Variants in MIB1 observed in about 807,000 individuals in gnomAD.
MIB1 encodes the protein E3 ubiquitin-protein ligase MIB1.
MIB1 carries 278 observed loss-of-function variants against 124.5 expected under a neutral mutation model. The ratio of observed to expected loss-of-function variants is 2.23; its 90% CI spans 2.02 to 2.47. MIB1 has a LOEUF of 2.47. Ranked by LOEUF, MIB1 falls within the 30% of genes most tolerant of loss-of-function variation. The probability of loss-of-function intolerance (pLI) is 0.00; values close to 1 mark genes in which losing one functional copy is unlikely to be tolerated. For missense variants in MIB1, 957 were observed against 1,254.4 expected (o/e 0.76, Z 3.58); for synonymous variants, 446 against 429.4 (o/e 1.04, Z -0.48).
At chr18:21,800,203 C>A (rs142480418) in intron 9 of MIB1, among the ~76,000 whole-genome samples, 167 of 151,992 alleles carry the variant, frequency 1.1e-3, no homozygotes, top group African/African-American at 3.8e-3. Flanking sequence ...TACACACTTA[C>A]ATTTTGGTTT....
chr18:21,848,625 A>G (rs578065082), intron 16 of MIB1, among the ~76,000 whole-genome samples: 47 of 152,304 alleles, frequency 3.1e-4, no homozygotes, highest in African/African-American at 1.0e-3. Context: ...GTAGGTGGTC[A>G]TATGTATTTC....
chr18:21,826,921 G>A (rs961025710), intron 12 of MIB1: 1 of 152,038 alleles, frequency 6.6e-6, no homozygotes, highest in Non-Finnish European at 1.5e-5. Context: ...ATTTTTTCTA[G>A]TAGAAGTGAA....
Position 21,865,634 on chromosome 18 carries a change from A to G in MIB1, c.*968A>G, listed in dbSNP as rs570416828. On this transcript the variant is annotated 3_prime_UTR_variant, in exon 21 of 21. Coordinates refer to ENST00000261537, the MANE Select transcript of MIB1 (RefSeq NM_020774.4). ...AGTATCCCAGTGATCTGCAAAATTAATGCCTTTTCCAAGAAAAAATCTTTT... is the reference window on the plus strand; with the variant it reads ...AGTATCCCAGTGATCTGCAAAATTAGTGCCTTTTCCAAGAAAAAATCTTTT... 1.3e-5 allele frequency: 2 copies of G among 152,764 alleles called. No individual in the cohort carries two copies. Among genetic ancestry groups the G allele is most frequent in the African/African-American group, 4.8e-5 (2 of 41,582 alleles). 9.5% of individuals were successfully genotyped at this position (152,764 alleles called of 1,614,324 possible).
At chr18:21,759,873 T>C (rs1286926542) in intron 1 of MIB1, among the ~76,000 whole-genome samples, 1 of 152,240 alleles carries the variant, frequency 6.6e-6, no homozygotes, top group African/African-American at 2.4e-5. Flanking sequence ...TTTCATTAGG[T>C]CTCTGAAGAA....
chr18:21,717,514 T>C (rs1378329976), intron 1 of MIB1, among the ~76,000 whole-genome samples: 2 of 151,822 alleles, frequency 1.3e-5, no homozygotes, highest in Non-Finnish European at 2.9e-5. Flanking sequence ...AGGACTAATA[T>C]CCAGAATCTA....
At chr18:21,825,687 TC>T (rs775426993) in intron 12 of MIB1, 1 of 530,742 alleles carries the variant, frequency 1.9e-6, no homozygotes, top group Admixed American at 2.0e-5. Context: ...ACGTTGGTTG[TC>T]CCGTAGTAAT....
intron 1 of MIB1, among the ~76,000 whole-genome samples, chr18:21,751,597 A>T (rs996666160): frequency 6.6e-6 from 1 of 152,074 alleles, no homozygotes; most frequent in African/African-American, 2.4e-5. Context: ...TGGATTTAAA[A>T]TTGTAGTTCT....
intron 7 of MIB1, among the ~76,000 whole-genome samples, chr18:21,795,797 T>G (rs2041572180): frequency 1.3e-5 from 2 of 152,170 alleles, no homozygotes; most frequent in African/African-American, 2.4e-5. Flanking sequence ...GCATGGAAAT[T>G]AAATGTTTAA....
At chr18:21,843,005 G>T in intron 13 of MIB1, 126 bp from the exon 14 acceptor site, 1 of 600,310 alleles carries the variant, frequency 1.7e-6, no homozygotes, top group Non-Finnish European at 2.8e-6. Context: ...GAATAACATT[G>T]CAGCAGCTGA....
rs1373410835 is a variant in MIB1, at chr18:21,869,498, T to C, written c.*4832T>C. 6.6e-6 allele frequency: 1 copy of C among 152,482 alleles called. No homozygotes were observed. Among genetic ancestry groups the C allele is most frequent in the African/African-American group, 2.4e-5 (1 of 41,428 alleles). 9.4% of individuals were successfully genotyped at this position (152,482 alleles called of 1,614,324 possible). On this transcript the variant is annotated 3_prime_UTR_variant, in exon 21 of 21. Coordinates refer to ENST00000261537, the MANE Select transcript of MIB1 (RefSeq NM_020774.4). The stretch of plus-strand genomic sequence containing the variant: ...ATGGTCTTTAGTGCACGTGTATCAT[T>C]ATATACACGTTTTAAAGTCATATTG...
Position 21,864,555 on chromosome 18 carries a change from G to A in MIB1, c.2910G>A (p.Leu970=). Residue 970 remains leucine, a synonymous_variant, in exon 21 of 21, where the codon CTG becomes CTA. Transcript: ENST00000261537. ...QTMCPVCLDR[L]KNMIFLCGHG... The stretch of plus-strand genomic sequence containing the variant: ...TGTGCCCTGTGTGTCTAGATCGTCT[G>A]AAGAATATGATTTTCCTTTGTGGTC... 1 of 1,613,476 alleles carries A rather than the reference G, an allele frequency of 6.2e-7. No individual in the cohort carries two copies. Among genetic ancestry groups the A allele is most frequent in the Non-Finnish European group, 8.5e-7 (1 of 1,179,468 alleles).
intron 18 of MIB1, among the ~76,000 whole-genome samples, 156 bp downstream of exon 18, chr18:21,853,374 C>G (rs950571501): frequency 6.6e-6 from 1 of 152,166 alleles, no homozygotes; most frequent in Admixed American, 6.5e-5. Context: ...TGTACTAGAA[C>G]GTCAGCTGTT....
intron 1 of MIB1, among the ~76,000 whole-genome samples, chr18:21,754,857 T>G (rs1449982641): frequency 1.3e-5 from 2 of 152,232 alleles, no homozygotes; most frequent in African/African-American, 4.8e-5. Flanking sequence ...TCTGTTCCAG[T>G]TGGCAGCAGT....
At chr18:21,757,451 CAAA>C (rs1202189616) in intron 1 of MIB1, among the ~76,000 whole-genome samples, 47 of 13,264 alleles carry the variant, frequency 3.5e-3, no homozygotes, top group African/African-American at 0.016. Context: ...GACTCTGTCT[CAAA>C]AAAAAAAAAA....
chr18:21,852,455 A>G (rs138297960), intron 17 of MIB1, among the ~76,000 whole-genome samples: 19 of 152,294 alleles, frequency 1.2e-4, no homozygotes, highest in Middle Eastern at 3.4e-3. Flanking sequence ...GCCAAGGGCT[A>G]TGGGGTAGGG....
intron 19 of MIB1, among the ~76,000 whole-genome samples, chr18:21,857,565 G>A (rs2042240408): frequency 6.6e-6 from 1 of 152,198 alleles, no homozygotes; most frequent in African/African-American, 2.4e-5. Flanking sequence ...GTCAAGGGGT[G>A]GGACACCATA....
At chr18:21,864,221 G>A (rs1266420175) in intron 20 of MIB1, among the ~76,000 whole-genome samples, 2 of 151,968 alleles carry the variant, frequency 1.3e-5, no homozygotes, top group Non-Finnish European at 2.9e-5. Context: ...AGTGATTCTC[G>A]CGCCTCAGCC....
intron 1 of MIB1, among the ~76,000 whole-genome samples, chr18:21,745,079 GAA>G (rs2040896983): frequency 6.6e-6 from 1 of 152,100 alleles, no homozygotes; most frequent in Non-Finnish European, 1.5e-5. Context: ...ATTTAAAAAA[GAA>G]TGTTCACAGC....
At chr18:21,773,580 C>T in intron 3 of MIB1, 44 bp from the exon 4 acceptor site, 1 of 1,243,946 alleles carries the variant, frequency 8.0e-7, no homozygotes. Context: ...TAAGCTCTTC[C>T]CTCCCCTTTA....
Sources: gnomAD v4.1 joint callset for allele counts (sites outside exome capture counted in the v4.1 genomes callset) on GRCh38, gnomAD v4.1.1 for gene constraint, MANE v1.5 for transcripts, NCBI Gene and HGNC (gene_info 2026-07-23, HGNC 2026-07-21) for gene names.